Variants in OSBPL3 observed in about 807,000 individuals in gnomAD.
The protein encoded by OSBPL3 is oxysterol binding protein like 3.
Under a neutral mutation model 120.1 loss-of-function variants are expected in OSBPL3, and 65 were observed. That is an observed-to-expected ratio of 0.54 (90% CI 0.44 to 0.67). The LOEUF (loss-of-function observed/expected upper bound fraction) is 0.67, where lower values mean the gene tolerates loss of function less well. Ranked by LOEUF, OSBPL3 falls within the 30% of genes least tolerant of loss-of-function variation. The probability of loss-of-function intolerance (pLI) is 0.00; values close to 1 mark genes in which losing one functional copy is unlikely to be tolerated. For missense variants in OSBPL3, 1,004 were observed against 1,082.1 expected (o/e 0.93, Z 1.01); for synonymous variants, 416 against 402.6 (o/e 1.03, Z -0.40).
intron 1 of OSBPL3, among the ~76,000 whole-genome samples, chr7:24,897,725 GTGTGCT>G (rs2128364237): frequency 6.6e-6 from 1 of 152,332 alleles, no homozygotes; most frequent in Admixed American, 6.5e-5. Context: ...CATTAAAGCA[GTGTGCT>G]TACTTTGGAA....
rs1487870146 is a variant in OSBPL3 at position 24,918,220 on chromosome 7, C to G, written c.-149-25599G>C. 3 of 199,488 alleles carry G rather than the reference C, an allele frequency of 1.5e-5. No homozygotes were observed. The highest frequency in any genetic ancestry group is 2.7e-5 in the Non-Finnish European group (3 of 111,420). The allele number at this position is 199,488 out of a possible 1,614,324, so 12.4% of individuals were successfully genotyped here. The stretch of plus-strand genomic sequence containing the variant: ...TGAGAAACTGACCATCACATAAACA[C>G]CATAGCAATGTTCAGAAGCTGGCAG... On this transcript the variant is annotated intron_variant, in intron 1 of 22. Coordinates refer to ENST00000313367, the MANE Select transcript of OSBPL3 (RefSeq NM_015550.4). This position sits in a 1 kb window ranked among gnomAD's most constrained non-coding sequence, Gnocchi z 4.3.
intron 1 of OSBPL3, among the ~76,000 whole-genome samples, chr7:24,929,307 C>T (rs766525219): frequency 2.0e-5 from 3 of 152,198 alleles, no homozygotes; most frequent in Non-Finnish European, 2.9e-5. Flanking sequence ...GTCGCTGGAT[C>T]AGGGTCGTTG....
Position 24,820,270 on chromosome 7 carries a change from A to G in OSBPL3, c.1885-32T>C, listed in dbSNP as rs1161275561. 1 of 1,521,918 alleles carries G rather than the reference A, an allele frequency of 6.6e-7. No individual in the cohort carries two copies. Among genetic ancestry groups the G allele is most frequent in the African/African-American group, 1.4e-5 (1 of 72,522 alleles). The allele number at this position is 1,521,918 out of a possible 1,614,324, so 94.3% of individuals were successfully genotyped here. A position where few individuals can be genotyped will look rare whatever the true frequency, so the allele number is the denominator to read the frequency against. On this transcript the variant is annotated intron_variant, in intron 16 of 22. Coordinates refer to ENST00000313367, the MANE Select transcript of OSBPL3 (RefSeq NM_015550.4). The surrounding 1 kb of genome is among the most constrained non-coding windows in gnomAD (Gnocchi z 4.6). ...GAAACAAAGGACAGAAAAACAAAAA[A>G]TGAATGAACTTTTGTGTCTCATGAA...
At chr7:24,832,378 C>T (rs1478071959) in intron 15 of OSBPL3, among the ~76,000 whole-genome samples, 4 of 151,532 alleles carry the variant, frequency 2.6e-5, no homozygotes, top group Non-Finnish European at 5.9e-5. Context: ...GGTGTGGTGG[C>T]GCACGCCTGT....
At chr7:24,816,448 G>C (rs1201425560) in intron 18 of OSBPL3, among the ~76,000 whole-genome samples, 162 bp downstream of exon 18, 1 of 151,930 alleles carries the variant, frequency 6.6e-6, no homozygotes, top group Non-Finnish European at 1.5e-5. Context: ...TTAAAAGTGA[G>C]CTTGCCAAAA....
At position 24,842,314 on chromosome 7, in the gene OSBPL3, C is replaced by G; in HGVS notation, c.1366G>C (p.Glu456Gln). ...GAAGAGCTTGGAGATAACAGAACTT[C>G]CTGAGCATCAAAAAACTCAGAAAGG... ...DSLSEFFDAQ[E>Q]VLLSPSSSEN... Residue 456 changes from glutamate (E) to glutamine (Q), a missense_variant, in exon 13 of 23, where the codon GAA (glutamate) becomes CAA (glutamine). Physicochemically the swap from Glu to Gln is conservative, Grantham distance 29 (BLOSUM62 2). Around this residue, in one of 4 missense-constraint regions of OSBPL3, gnomAD observed 473 missense variants for 568.0 expected, o/e 0.83. Coordinates refer to ENST00000313367, the MANE Select transcript of OSBPL3 (RefSeq NM_015550.4). The G allele has an allele frequency of 6.2e-7, 1 of 1,613,670 alleles. No homozygotes were observed. The highest frequency in any genetic ancestry group is 1.3e-5 in the African/African-American group (1 of 75,020).
chr7:24,906,164 C>T (rs939947840), intron 1 of OSBPL3: 10 of 200,168 alleles, frequency 5.0e-5, no homozygotes, highest in South Asian at 7.5e-5. Context: ...GGCATCATCA[C>T]GGAGCAGGTA....
rs953989670 is a variant in OSBPL3, at chr7:24,936,703, G to A, written c.-150+43183C>T. Among the ~76,000 whole-genome samples the A allele has an allele frequency of 6.6e-6, 1 of 152,168 alleles. No homozygotes were observed. Among genetic ancestry groups the A allele is most frequent in the African/African-American group, 2.4e-5 (1 of 41,432 alleles). On this transcript the variant is annotated intron_variant, in intron 1 of 22. Transcript: ENST00000313367. The surrounding 1 kb of genome is among the most constrained non-coding windows in gnomAD (Gnocchi z 4.2). The stretch of plus-strand genomic sequence containing the variant: ...TACTTTGAGGGCCTGCTGGAGAACA[G>A]GTATGTAGAAGTTAGGGAAGATGTG...
chr7:24,948,467 T>C (rs1387889369), intron 1 of OSBPL3, among the ~76,000 whole-genome samples: 1 of 152,174 alleles, frequency 6.6e-6, no homozygotes, highest in Non-Finnish European at 1.5e-5. Flanking sequence ...ACTGAGTCAC[T>C]GAAAAAGCTT....
intron 1 of OSBPL3, among the ~76,000 whole-genome samples, chr7:24,925,111 G>A (rs959902972): frequency 3.3e-5 from 5 of 152,162 alleles, no homozygotes; most frequent in Admixed American, 2.0e-4. Context: ...AGAATTAGGT[G>A]TTTTAAACAC....
rs538574002 is a variant in OSBPL3 at position 24,830,412 on chromosome 7, T to G, written c.1884+356A>C. Reference sequence around the variant, plus strand: ...CTACCCACTCTGCTGGGGGCATTCATGCTCTGGAATAATGATGTCAGTGTG... The same window carrying G: ...CTACCCACTCTGCTGGGGGCATTCAGGCTCTGGAATAATGATGTCAGTGTG... On this transcript the variant is annotated intron_variant, in intron 16 of 22. Transcript: ENST00000313367. The surrounding 1 kb of genome is among the most constrained non-coding windows in gnomAD (Gnocchi z 4.4). 1.3e-3 allele frequency among the ~76,000 whole-genome samples: 199 copies of G among 152,370 alleles called. 1 individual carries two copies. The highest frequency in any genetic ancestry group is 4.6e-3 in the African/African-American group (190 of 41,598).
chr7:24,955,605 C>T lies in OSBPL3; in HGVS notation c.-150+24281G>A, dbSNP rs1448912987. On this transcript the variant is annotated intron_variant, in intron 1 of 22. Transcript: ENST00000313367. The surrounding 1 kb of genome is among the most constrained non-coding windows in gnomAD (Gnocchi z 4.3). ...CTCAAATGTCACCTTATCAGAGAGGCCTTTGGCCATTTCTATGTAAAATCA... is the reference window on the plus strand; with the variant it reads ...CTCAAATGTCACCTTATCAGAGAGGTCTTTGGCCATTTCTATGTAAAATCA... Among the ~76,000 whole-genome samples, 4 of 152,186 alleles carry T rather than the reference C, an allele frequency of 2.6e-5. No homozygotes were observed. The highest frequency in any genetic ancestry group is 9.7e-5 in the African/African-American group (4 of 41,450).
intron 1 of OSBPL3, among the ~76,000 whole-genome samples, chr7:24,970,899 C>T (rs1212094498): frequency 6.6e-6 from 1 of 152,226 alleles, no homozygotes; most frequent in Non-Finnish European, 1.5e-5. Context: ...ACTGATACAT[C>T]TCCTGGAGTC....
chr7:24,865,982 T>A, intron 6 of OSBPL3, 88 bp downstream of exon 6: 1 of 1,085,092 alleles, frequency 9.2e-7, no homozygotes, highest in South Asian at 1.4e-5. Flanking sequence ...CGAAAACTTT[T>A]CCTTCTTCGG....
rs919933039 is a variant in OSBPL3, at chr7:24,808,899, C to A, written c.2317+908G>T. On this transcript the variant is annotated intron_variant, in intron 20 of 22. Coordinates refer to ENST00000313367, the MANE Select transcript of OSBPL3 (RefSeq NM_015550.4). This position sits in a 1 kb window ranked among gnomAD's most constrained non-coding sequence, Gnocchi z 4.6. ...CACGAGAGAGGAAAGCTCTTTTGTC[C>A]TCTCATTACATGCTTGGTATGCTGT... 6.6e-6 allele frequency among the ~76,000 whole-genome samples: 1 copy of A among 152,176 alleles called. No homozygotes were observed. Among genetic ancestry groups the A allele is most frequent in the African/African-American group, 2.4e-5 (1 of 41,444 alleles).
At position 24,967,469 on chromosome 7, in the gene OSBPL3, T is replaced by C. The variant is rs1816515875; in HGVS notation, c.-150+12417A>G. Reference sequence around the variant, plus strand: ...AACACCCTTCCCATGAGATCTCTCCTGGTTTATTCTTTGACATTACCCTCC... The same window carrying C: ...AACACCCTTCCCATGAGATCTCTCCCGGTTTATTCTTTGACATTACCCTCC... On this transcript the variant is annotated intron_variant, in intron 1 of 22. Transcript: ENST00000313367. The surrounding 1 kb of genome is among the most constrained non-coding windows in gnomAD (Gnocchi z 5.6). Among the ~76,000 whole-genome samples, 1 of 152,198 alleles carries C rather than the reference T, an allele frequency of 6.6e-6. No homozygotes were observed. The highest frequency in any genetic ancestry group is 1.5e-5 in the Non-Finnish European group (1 of 68,032).
chr7:24,870,145 A>T (rs1225024744), intron 5 of OSBPL3, among the ~76,000 whole-genome samples: 1 of 152,240 alleles, frequency 6.6e-6, no homozygotes, highest in Non-Finnish European at 1.5e-5. Context: ...GCTAGTGAGT[A>T]GCCACATCAA....
In OSBPL3 at chr7:24,881,915, A is replaced by C. The variant is rs1436295013; in HGVS notation, c.97-9846T>G. 1.3e-5 allele frequency among the ~76,000 whole-genome samples: 2 copies of C among 151,588 alleles called. No homozygotes were observed. Among genetic ancestry groups the C allele is most frequent in the East Asian group, 3.9e-4 (2 of 5,158 alleles). The stretch of plus-strand genomic sequence containing the variant: ...CAATCTCTCTCTCCACCATCACATC[A>C]CCTTTTCCTCTATGTCTGTCTTCTC... On this transcript the variant is annotated intron_variant, in intron 2 of 22. Transcript: ENST00000313367. This position sits in a 1 kb window ranked among gnomAD's most constrained non-coding sequence, Gnocchi z 4.3.
At chr7:24,957,991 T>C (rs1358347781) in intron 1 of OSBPL3, among the ~76,000 whole-genome samples, 1 of 152,186 alleles carries the variant, frequency 6.6e-6, no homozygotes, top group Non-Finnish European at 1.5e-5. Context: ...ATATAAGCCA[T>C]TATTTACTTA....
Sources: gnomAD v4.1 joint callset for allele counts (sites outside exome capture counted in the v4.1 genomes callset) on GRCh38, gnomAD v4.1.1 for gene constraint, gnomAD v4.1.1 regional missense constraint, Gnocchi (gnomAD v3.1) non-coding constraint, MANE v1.5 for transcripts, NCBI Gene and HGNC (gene_info 2026-07-23, HGNC 2026-07-21) for gene names.